MYF6: variants seen among roughly 807,000 people sequenced by gnomAD.
MYF6 encodes myogenic factor 6, also known as class C basic helix-loop-helix protein 4.
MYF6 carries 20 observed loss-of-function variants against 21.7 expected under a neutral mutation model. The ratio of observed to expected loss-of-function variants is 0.92; its 90% confidence interval spans 0.65 to 1.34. MYF6 has a LOEUF of 1.34. Among genes scored for constraint, MYF6 ranks in the 40% most tolerant of loss-of-function variants. The pLI, the probability that MYF6 is intolerant of heterozygous loss-of-function variation, is 0.00. For missense variants in MYF6, 320 were observed against 304.1 expected, an observed-to-expected ratio of 1.05 and a Z score of -0.39; for synonymous variants, 124 against 124.7, an observed-to-expected ratio of 0.99 and a Z score of 0.04.
rs1190423257 is a variant in MYF6 at position 80,709,248 on chromosome 12, T to C, written c.*288T>C. 2 of 355,388 alleles carry C rather than the reference T, an allele frequency of 5.6e-6. No homozygotes were observed. Among genetic ancestry groups the C allele is most frequent in the African/African-American group, 4.1e-5 (2 of 48,260 alleles). 22.0% of individuals were successfully genotyped at this position (355,388 alleles called of 1,614,324 possible). A position where few individuals can be genotyped will look rare whatever the true frequency, so the allele number is the denominator to read the frequency against. ...TTTGTTTGGTTGGTTTTATACTATA[T>C]TAACTTTTATTACGGTGATCCTTTT... On this transcript the variant is annotated 3_prime_UTR_variant, in exon 3 of 3. Coordinates refer to ENST00000228641, the MANE Select transcript of MYF6 (RefSeq NM_002469.3).
chr12:80,708,197 C>T lies in MYF6; in HGVS notation c.478C>T (p.Leu160=), dbSNP rs368477055. Residue 160 remains leucine, a synonymous_variant, in exon 1 of 3, where the codon CTG becomes TTG. Transcript: ENST00000228641. ...GGATCAGCAGGAGAAGATGCAGGAG[C>T]TGGGGGTGGACCCCTTCAGCTACAG... is the stretch of plus-strand genomic sequence containing the variant. ...RLDQQEKMQE[L]GVDPFSYRPK... The T allele has an allele frequency of 6.2e-7, 1 of 1,613,486 alleles. No individual in the cohort carries two copies. Among genetic ancestry groups the T allele is most frequent in the Non-Finnish European group, 8.5e-7 (1 of 1,179,724 alleles).
Position 80,708,897 on chromosome 12 carries a change from C to T in MYF6, c.666C>T (p.Ile222=). ...GTAGCCTTCGATGCCTTTCTTCCAT[C>T]GTGGACAGTATTTCCTCGGAGGAAC... ...ASSSLRCLSS[I]VDSISSEERK... is the part of the protein sequence containing the mutation. Residue 222 remains isoleucine (I), a synonymous_variant, in exon 3 of 3, where the codon ATC becomes ATT. Coordinates refer to ENST00000228641, the MANE Select transcript of MYF6 (RefSeq NM_002469.3). The T allele has an allele frequency of 6.2e-7, 1 of 1,614,238 alleles. No homozygotes were observed. Among genetic ancestry groups the T allele is most frequent in the Admixed American group, 1.7e-5 (1 of 60,034 alleles).
Position 80,708,828 on chromosome 12 carries a change from G to GT in MYF6, c.611-8dup. 2 of 1,610,110 alleles carry GT rather than the reference G, an allele frequency of 1.2e-6. No individual in the cohort carries two copies. The highest frequency in any genetic ancestry group is 1.7e-5 in the Admixed American group (1 of 60,032). On this transcript the variant is annotated splice_polypyrimidine_tract_variant and intron_variant, in intron 2 of 2. Transcript: ENST00000228641. ...TCTTTGGGTGCTATGTTTGTGTGTT[G>GT]TTTTTTCGCTCAGGAGGAGCAAGTA...
At position 80,707,970 on chromosome 12, in the gene MYF6, C is replaced by T; in HGVS notation, c.251C>T (p.Thr84Ile). ...CAGTGTCTGATCTGGGCTTGCAAGA[C>T]CTGCAAGAGAAAATCTGCCCCCACT... ...PGQCLIWACK[T>I]CKRKSAPTDR... Residue 84 changes from threonine (T) to isoleucine (I), a missense_variant, in exon 1 of 3, where the codon ACC (threonine) becomes ATC (isoleucine). Thr to Ile is a moderately conservative substitution (Grantham distance 89, BLOSUM62 -1). Coordinates refer to ENST00000228641, the MANE Select transcript of MYF6 (RefSeq NM_002469.3). 1 of 1,614,140 alleles carries T rather than the reference C, an allele frequency of 6.2e-7. No individual in the cohort carries two copies. The highest frequency in any genetic ancestry group is 1.1e-5 in the South Asian group (1 of 91,088).
chr12:80,708,321 T>A (rs1490894151), intron 1 of MYF6, 83 bp downstream of exon 1: 2 of 1,541,510 alleles, frequency 1.3e-6, no homozygotes, highest in East Asian at 2.3e-5. Flanking sequence ...AGCTGCTTGG[T>A]CTTTTTTCCC....
chr12:80,708,658 G>A (rs377103088), intron 2 of MYF6, 44 bp downstream of exon 2: 2 of 1,594,336 alleles, frequency 1.3e-6, no homozygotes, highest in South Asian at 1.1e-5. Flanking sequence ...AAATCCGGGA[G>A]GTGGATAGGA....
rs1307753551 is a variant in MYF6, at chr12:80,707,692, G to T, written c.-28G>T. On this transcript the variant is annotated 5_prime_UTR_variant, in exon 1 of 3. Coordinates refer to ENST00000228641, the MANE Select transcript of MYF6 (RefSeq NM_002469.3). ...GTTTTTGAGTCCATCACCCAGTTCA[G>T]ATCGAGTCAGAGGCCAAGGAGGAGA... 4 of 1,613,962 alleles carry T rather than the reference G, an allele frequency of 2.5e-6. No homozygotes were observed. Among genetic ancestry groups the T allele is most frequent in the African/African-American group, 2.7e-5 (2 of 74,944 alleles).
Position 80,707,839 on chromosome 12 carries a change from C to A in MYF6, c.120C>A (p.Thr40=). The change falls in exon 1 of 3, where the codon ACC becomes ACA. Residue 40 remains threonine, a synonymous_variant. Coordinates refer to ENST00000228641, the MANE Select transcript of MYF6 (RefSeq NM_002469.3). Reference sequence around the variant, plus strand: ...CTTTGTATCCAGGGAGTGATGGTACCTTGTCCCCCTGCCAGGACCAAATGC... The same window carrying A: ...CTTTGTATCCAGGGAGTGATGGTACATTGTCCCCCTGCCAGGACCAAATGC... ...GSPLYPGSDG[T]LSPCQDQMPP... 6.2e-7 allele frequency: 1 copy of A among 1,614,160 alleles called. No homozygotes were observed. The highest frequency in any genetic ancestry group is 8.5e-7 in the Non-Finnish European group (1 of 1,180,018).
Position 80,708,531 on chromosome 12 carries a change from G to T in MYF6, c.527G>T (p.Gly176Val). 1.2e-6 allele frequency: 2 copies of T among 1,614,124 alleles called. No homozygotes were observed. The highest frequency in any genetic ancestry group is 8.5e-7 in the Non-Finnish European group (1 of 1,179,992). The stretch of plus-strand genomic sequence containing the variant: ...CCTTGGTTTTCCCTCCAGCTTGAGG[G>T]TGCGGATTTCCTGCGCACCTGCAGC... ...SYRPKQENLE[G>V]ADFLRTCSSQ... Residue 176 changes from glycine (G) to valine (V), a missense_variant, in exon 2 of 3, where the codon GGT becomes GTT. Physicochemically the swap from Gly to Val is moderately radical, Grantham distance 109. Transcript: ENST00000228641.
rs555457511 is a variant in MYF6 at position 80,708,420 on chromosome 12, T to C, written c.520-104T>C. On this transcript the variant is annotated intron_variant, in intron 1 of 2. Coordinates refer to ENST00000228641, the MANE Select transcript of MYF6 (RefSeq NM_002469.3). ...CCGGGTGCTTGCAATAGGCAGGAAATGCGTACCCGGCCCGAGGAAGCAGGA... is the reference window on the plus strand; with the variant it reads ...CCGGGTGCTTGCAATAGGCAGGAAACGCGTACCCGGCCCGAGGAAGCAGGA... The C allele has an allele frequency of 2.3e-5, 32 of 1,414,232 alleles. No homozygotes were observed. The South Asian group carries it at 3.6e-4, about 16-fold the overall frequency. The allele number at this position is 1,414,232 out of a possible 1,614,324, so 87.6% of individuals were successfully genotyped here.
chr12:80,707,980 A>G lies in MYF6; in HGVS notation c.261A>G (p.Arg87=). Residue 87 remains arginine (R), a synonymous_variant, in exon 1 of 3, where the codon AGA becomes AGG. Transcript: ENST00000228641. ...TCTGGGCTTGCAAGACCTGCAAGAG[A>G]AAATCTGCCCCCACTGACCGGCGAA... ...CLIWACKTCK[R]KSAPTDRRKA... is the part of the protein sequence containing the mutation. 6.2e-7 allele frequency: 1 copy of G among 1,614,120 alleles called. No homozygotes were observed. The highest frequency in any genetic ancestry group is 8.5e-7 in the Non-Finnish European group (1 of 1,180,038).
In MYF6 at chr12:80,708,992, GC is replaced by G. The variant is rs1429775149; in HGVS notation, c.*33del. On this transcript the variant is annotated 3_prime_UTR_variant, in exon 3 of 3. Transcript: ENST00000228641. Reference sequence around the variant, plus strand: ...CTGCGCTTGAGACCTTCTCCACGCAGCAGGAAGATCCCACCGACCCTTCCTG... The same window carrying G: ...CTGCGCTTGAGACCTTCTCCACGCAGAGGAAGATCCCACCGACCCTTCCTG... 5 of 1,523,426 alleles carry G rather than the reference GC, an allele frequency of 3.3e-6. No individual in the cohort carries two copies. The highest frequency in any genetic ancestry group is 1.7e-5 in the Admixed American group (1 of 59,812). 94.4% of individuals were successfully genotyped at this position (1,523,426 alleles called of 1,614,324 possible).
Position 80,708,169 on chromosome 12 carries a change from G to C in MYF6, c.450G>C (p.Arg150=). The C allele has an allele frequency of 6.2e-7, 1 of 1,613,976 alleles. No individual in the cohort carries two copies. The highest frequency in any genetic ancestry group is 8.5e-7 in the Non-Finnish European group (1 of 1,179,898). The change falls in exon 1 of 3, where the codon CGG becomes CGC. Residue 150 remains arginine (R), a synonymous_variant. Coordinates refer to ENST00000228641, the MANE Select transcript of MYF6 (RefSeq NM_002469.3). ...YIERLQDLLH[R]LDQQEKMQEL... is the part of the protein sequence containing the mutation. ...AGCGGCTGCAGGACCTGCTGCACCG[G>C]CTGGATCAGCAGGAGAAGATGCAGG...
intron 1 of MYF6, 67 bp from the exon 2 acceptor site, chr12:80,708,457 C>T (rs554487726): frequency 1.3e-4 from 178 of 1,329,976 alleles, no homozygotes; most frequent in Middle Eastern, 2.1e-4. Flanking sequence ...AGCCGCCCCC[C>T]ACCCCACCCC....
At position 80,708,122 on chromosome 12, in the gene MYF6, C is replaced by T. The variant is rs771677450; in HGVS notation, c.403C>T (p.Arg135Trp). Residue 135 changes from arginine to tryptophan, a missense_variant, in exon 1 of 3, where the codon CGG becomes TGG. Physicochemically the swap from Arg to Trp is moderately radical, Grantham distance 101. Transcript: ENST00000228641. Reference protein sequence around the residue: ...NQRLPKVEILRSAISYIERLQ... With the variant: ...NQRLPKVEILWSAISYIERLQ... ...GAGGCTGCCCAAGGTGGAGATTCTG[C>T]GGAGCGCCATCAGCTATATTGAGCG... is the stretch of plus-strand genomic sequence containing the variant. 3.1e-6 allele frequency: 5 copies of T among 1,614,166 alleles called. No individual in the cohort carries two copies. Among genetic ancestry groups the T allele is most frequent in the Non-Finnish European group, 3.4e-6 (4 of 1,180,030 alleles).
rs1324705622 is a variant in MYF6, at chr12:80,708,824, T to C, written c.611-18T>C. The C allele has an allele frequency of 1.2e-6, 2 of 1,603,566 alleles. No homozygotes were observed. Among genetic ancestry groups the C allele is most frequent in the South Asian group, 1.1e-5 (1 of 90,856 alleles). On this transcript the variant is annotated intron_variant, in intron 2 of 2. Coordinates refer to ENST00000228641, the MANE Select transcript of MYF6 (RefSeq NM_002469.3). Reference sequence around the variant, plus strand: ...TCCTTCTTTGGGTGCTATGTTTGTGTGTTGTTTTTTCGCTCAGGAGGAGCA... The same window carrying C: ...TCCTTCTTTGGGTGCTATGTTTGTGCGTTGTTTTTTCGCTCAGGAGGAGCA...
At chr12:80,708,771 T>C in intron 2 of MYF6, 71 bp from the exon 3 acceptor site, 1 of 1,563,336 alleles carries the variant, frequency 6.4e-7, no homozygotes, top group South Asian at 1.1e-5. Context: ...CAAAGCGGCC[T>C]CGCGCGGGGC....
intron 1 of MYF6, 56 bp downstream of exon 1, chr12:80,708,294 G>A: frequency 3.2e-6 from 5 of 1,576,244 alleles, no homozygotes; most frequent in Non-Finnish European, 4.3e-6. Flanking sequence ...AACGCCTTCC[G>A]CGGGGCCTTA....
chr12:80,708,485 T>G (rs1010614571), intron 1 of MYF6, 39 bp from the exon 2 acceptor site: 3 of 1,578,716 alleles, frequency 1.9e-6, no homozygotes, highest in Non-Finnish European at 2.6e-6. Flanking sequence ...GAACCGATGT[T>G]TCTTTCCTAA....
Sources: gnomAD v4.1 joint callset for allele counts on GRCh38, gnomAD v4.1.1 for gene constraint, MANE v1.5 for transcripts, NCBI Gene and HGNC (gene_info 2026-07-23, HGNC 2026-07-21) for gene names.